The following SLC38A9 variants were observed in gnomAD, a reference collection of about 807,000 sequenced individuals.
SLC38A9 encodes solute carrier family 38 member 9.
SLC38A9 carries 48 observed loss-of-function variants against 62.3 expected under a neutral mutation model. That is an observed-to-expected ratio of 0.77 (90% confidence interval 0.61 to 0.98). The LOEUF is 0.98. SLC38A9 is among the 50% of genes least tolerant of loss of function. SLC38A9 has a pLI of 0.00. For missense variants in SLC38A9, 541 were observed against 679.8 expected (o/e 0.80, Z 2.27); for synonymous variants, 204 against 227.7 (o/e 0.90, Z 0.94).
At chr5:55,677,911 C>CT (rs1219466495) in intron 3 of SLC38A9, among the ~76,000 whole-genome samples, 1 of 47,866 alleles carries the variant, frequency 2.1e-5, no homozygotes, top group Non-Finnish European at 5.7e-5. Flanking sequence ...TAAATCAATA[C>CT]TTTTTTTTTC....
intron 3 of SLC38A9, among the ~76,000 whole-genome samples, chr5:55,687,065 G>GTTTTTTT (rs56912932): frequency 7.1e-4 from 89 of 125,652 alleles, no homozygotes; most frequent in African/African-American, 1.6e-3. Flanking sequence ...CTCCAGCTTT[G>GTTTTTTT]TTTTTTTTTT....
intron 8 of SLC38A9, among the ~76,000 whole-genome samples, chr5:55,660,851 T>G (rs1219041534): frequency 6.6e-6 from 1 of 152,096 alleles, no homozygotes; most frequent in Non-Finnish European, 1.5e-5. Flanking sequence ...GGGACAATAA[T>G]GAAAAAATGG....
chr5:55,698,184 T>C (rs1756176049), intron 2 of SLC38A9, among the ~76,000 whole-genome samples, 192 bp from the exon 3 acceptor site: 1 of 152,180 alleles, frequency 6.6e-6, no homozygotes, highest in South Asian at 2.1e-4. Flanking sequence ...TTCAGCTTAC[T>C]AAAAAATAAG....
chr5:55,664,563 T>C (rs1750140848), intron 8 of SLC38A9, 130 bp downstream of exon 8: 1 of 475,484 alleles, frequency 2.1e-6, no homozygotes, highest in African/African-American at 2.0e-5. Flanking sequence ...TAAAATATAT[T>C]TTCCAAAATT....
intron 8 of SLC38A9, among the ~76,000 whole-genome samples, chr5:55,662,487 T>C (rs748010328): frequency 2.6e-5 from 4 of 151,854 alleles, no homozygotes; most frequent in African/African-American, 4.8e-5. Context: ...CTGGCCAACA[T>C]GGTGAAAATT....
At chr5:55,686,201 C>T (rs1382963104) in intron 3 of SLC38A9, among the ~76,000 whole-genome samples, 2 of 152,192 alleles carry the variant, frequency 1.3e-5, no homozygotes, top group Non-Finnish European at 2.9e-5. Context: ...GGAATCACCA[C>T]ACTATCTTCC....
chr5:55,666,668 G>A (rs895124270), intron 7 of SLC38A9, among the ~76,000 whole-genome samples: 1 of 152,176 alleles, frequency 6.6e-6, no homozygotes, highest in Admixed American at 6.5e-5. Context: ...TGAGGCAGGT[G>A]GATCAACTTG....
rs186945071 is a variant in SLC38A9 at position 55,626,327 on chromosome 5, C to T, written c.*167G>A. 3.3e-5 allele frequency: 19 copies of T among 571,270 alleles called. No individual in the cohort carries two copies. In the East Asian group the frequency reaches 4.4e-4, roughly 13 times the overall value. The allele number at this position is 571,270 out of a possible 1,614,324, so 35.4% of individuals were successfully genotyped here. ...TCATTCTTTTTGCCCCTTTCCCCAC[C>T]CCAATAAAAAAATACTCATTAAGGG... On this transcript the variant is annotated 3_prime_UTR_variant, in exon 16 of 16. Transcript: ENST00000396865.
chr5:55,696,954 C>T (rs1173459417), intron 3 of SLC38A9: 313 of 151,894 alleles, frequency 2.1e-3, no homozygotes, highest in African/African-American at 7.8e-3. Context: ...TCCCCACATC[C>T]CAGACGATGG....
chr5:55,687,146 A>C (rs530867761), intron 3 of SLC38A9, among the ~76,000 whole-genome samples: 1 of 149,332 alleles, frequency 6.7e-6, no homozygotes, highest in East Asian at 1.9e-4. Context: ...GTATTTTTAA[A>C]AGTTTTTTCT....
intron 14 of SLC38A9, among the ~76,000 whole-genome samples, chr5:55,632,401 GCA>G (rs1353318364): frequency 2.6e-5 from 4 of 152,146 alleles, no homozygotes; most frequent in African/African-American, 9.7e-5. Flanking sequence ...TCGCGCCACT[GCA>G]CTCCAGCCTG....
At chr5:55,680,889 T>G (rs1752904705) in intron 3 of SLC38A9, among the ~76,000 whole-genome samples, 1 of 152,270 alleles carries the variant, frequency 6.6e-6, no homozygotes, top group African/African-American at 2.4e-5. Context: ...CTAGTCGCAT[T>G]CTGCAGATCA....
At chr5:55,650,998 T>G (rs996823254) in intron 10 of SLC38A9, among the ~76,000 whole-genome samples, 13 of 151,780 alleles carry the variant, frequency 8.6e-5, no homozygotes, top group Non-Finnish European at 1.5e-4. Context: ...TCCATGTTGG[T>G]CAGTTTGGTC....
At position 55,692,855 on chromosome 5, in the gene SLC38A9, CA is replaced by C. The variant is rs137973191; in HGVS notation, c.113+4990del. ...ATTCATTAGTGCTTATATTTACTGA[CA>C]TTGGATTATATAAGTAAGAATCAAA... On this transcript the variant is annotated intron_variant, in intron 3 of 15. Coordinates refer to ENST00000396865, the MANE Select transcript of SLC38A9 (RefSeq NM_173514.4). 1.4e-3 allele frequency: 1,401 copies of C among 980,604 alleles called. 18 individuals are homozygous for C. The African/African-American group carries it at 0.023, about 16-fold the overall frequency. The allele number at this position is 980,604 out of a possible 1,614,324, so 60.7% of individuals were successfully genotyped here.
At chr5:55,657,534 TA>T (rs1424682427) in intron 8 of SLC38A9, among the ~76,000 whole-genome samples, 1 of 151,430 alleles carries the variant, frequency 6.6e-6, no homozygotes, top group Non-Finnish European at 1.5e-5. Context: ...TTTATAGATC[TA>T]AGGCCATATA....
intron 3 of SLC38A9, among the ~76,000 whole-genome samples, chr5:55,678,231 G>A (rs28476488): frequency 0.064 from 9,252 of 145,364 alleles, 622 homozygotes; most frequent in East Asian, 0.26. Flanking sequence ...TCCACCTCCC[G>A]GGTTCAAGCA....
intron 8 of SLC38A9, among the ~76,000 whole-genome samples, chr5:55,658,300 C>T (rs1748832327): frequency 6.6e-6 from 1 of 152,080 alleles, no homozygotes; most frequent in African/African-American, 2.4e-5. Context: ...ATTACAGGTG[C>T]CTGCCACCAC....
At chr5:55,648,692 G>C (rs1416761308) in intron 11 of SLC38A9, among the ~76,000 whole-genome samples, 1 of 152,114 alleles carries the variant, frequency 6.6e-6, no homozygotes, top group Non-Finnish European at 1.5e-5. Flanking sequence ...ACAAACATAT[G>C]AAAAGTTGCT....
intron 2 of SLC38A9, among the ~76,000 whole-genome samples, chr5:55,703,693 A>G (rs1012744102): frequency 6.6e-6 from 1 of 152,206 alleles, no homozygotes; most frequent in African/African-American, 2.4e-5. Flanking sequence ...TTAAGTTTTA[A>G]AACTAAAAGG....
Sources: gnomAD v4.1 joint callset for allele counts (sites outside exome capture counted in the v4.1 genomes callset) on GRCh38, gnomAD v4.1.1 for gene constraint, MANE v1.5 for transcripts, NCBI Gene and HGNC (gene_info 2026-07-23, HGNC 2026-07-21) for gene names.